MREG: variants seen among roughly 807,000 people sequenced by gnomAD.
MREG encodes the protein melanoregulin.
Under a neutral mutation model 28.5 loss-of-function variants are expected in MREG, and 31 were observed. The ratio of observed to expected loss-of-function variants is 1.09; its 90% CI spans 0.82 to 1.47. The LOEUF is 1.47. Among genes scored for constraint, MREG ranks in the 40% most tolerant of loss-of-function variants. The pLI is 0.00. For synonymous variants in MREG, 106 were observed against 95.2 expected (o/e 1.11, Z -0.66); for missense variants, 256 against 257.4 (o/e 0.99, Z 0.04).
chr2:216,003,115 T>G (rs1460675474), intron 1 of MREG, among the ~76,000 whole-genome samples: 9 of 152,002 alleles, frequency 5.9e-5, no homozygotes, highest in Non-Finnish European at 2.9e-5. Flanking sequence ...TGAAACAGAG[T>G]CTTGCTGTGT....
chr2:215,996,263 T>C (rs771874407), intron 2 of MREG, 43 bp downstream of exon 2: 36 of 1,586,188 alleles, frequency 2.3e-5, no homozygotes, highest in Admixed American at 1.9e-4. Context: ...TTTTTTACTA[T>C]ATAGCATCAT....
intron 1 of MREG, among the ~76,000 whole-genome samples, chr2:215,997,670 G>A (rs1355861292): frequency 1.3e-5 from 2 of 152,136 alleles, no homozygotes; most frequent in Non-Finnish European, 1.5e-5. Context: ...GAGCTCAGGA[G>A]GCCATGAGAA....
chr2:216,004,904 C>T (rs1694110170), intron 1 of MREG, among the ~76,000 whole-genome samples: 1 of 152,066 alleles, frequency 6.6e-6, no homozygotes, highest in African/African-American at 2.4e-5. Context: ...GATAAAATGA[C>T]TTTGAGAAGA....
chr2:216,026,135 T>C (rs1479201806), intron 1 of MREG, among the ~76,000 whole-genome samples: 5 of 152,170 alleles, frequency 3.3e-5, no homozygotes, highest in African/African-American at 1.2e-4. Flanking sequence ...TATGATTCAA[T>C]ATACATTAAA....
chr2:215,971,840 A>G (rs1372975639), intron 2 of MREG, among the ~76,000 whole-genome samples: 6 of 152,216 alleles, frequency 3.9e-5, no homozygotes. Context: ...AGGTAGAGTG[A>G]GTATATGAAG....
chr2:215,961,878 A>T (rs1559178098), intron 2 of MREG, among the ~76,000 whole-genome samples: 1 of 152,124 alleles, frequency 6.6e-6, no homozygotes, highest in East Asian at 1.9e-4. Flanking sequence ...ATGCTCTGAT[A>T]CTTAAAAGAT....
intron 4 of MREG, 50 bp downstream of exon 4, chr2:215,945,521 C>T (rs1013155183): frequency 5.7e-6 from 9 of 1,586,230 alleles, no homozygotes; most frequent in Non-Finnish European, 7.7e-6. Context: ...TTTTAAAAAG[C>T]CAAGCAATTA....
At chr2:215,960,498 G>A (rs1338480935) in intron 2 of MREG, among the ~76,000 whole-genome samples, 1 of 152,116 alleles carries the variant, frequency 6.6e-6, no homozygotes, top group South Asian at 2.1e-4. Context: ...AAAGCCACTT[G>A]GGCTATAATC....
intron 2 of MREG, among the ~76,000 whole-genome samples, chr2:215,963,836 T>C (rs566525072): frequency 1.3e-5 from 2 of 152,146 alleles, no homozygotes; most frequent in Non-Finnish European, 2.9e-5. Flanking sequence ...CCATAATTCA[T>C]TAACTGATAA....
intron 2 of MREG, among the ~76,000 whole-genome samples, chr2:215,978,931 T>A (rs1227719755): frequency 1.3e-5 from 2 of 152,194 alleles, no homozygotes; most frequent in Non-Finnish European, 2.9e-5. Context: ...TAATTACTAA[T>A]CAAAGCTTCC....
chr2:216,009,442 C>T (rs752640918), intron 1 of MREG, among the ~76,000 whole-genome samples: 3 of 152,210 alleles, frequency 2.0e-5, no homozygotes, highest in East Asian at 3.9e-4. Flanking sequence ...AAAGATCCTT[C>T]GGTGCATGAC....
intron 2 of MREG, among the ~76,000 whole-genome samples, chr2:215,984,716 G>A (rs1377828990): frequency 6.6e-6 from 1 of 152,030 alleles, no homozygotes; most frequent in East Asian, 1.9e-4. Flanking sequence ...AGAAGCCCAG[G>A]AAATAAGTCT....
At chr2:215,958,731 C>T (rs1692700823) in intron 2 of MREG, among the ~76,000 whole-genome samples, 1 of 152,228 alleles carries the variant, frequency 6.6e-6, no homozygotes, top group African/African-American at 2.4e-5. Context: ...ATTAATACTT[C>T]CTCCCCATCC....
chr2:215,941,921 A>G (rs1692202486), downstream of MREG, among the ~76,000 whole-genome samples: 2 of 152,114 alleles, frequency 1.3e-5, no homozygotes, highest in Non-Finnish European at 2.9e-5. Flanking sequence ...TTCCATGTCC[A>G]TTGCTGTCAG....
At chr2:215,989,839 T>C (rs4674046) in intron 2 of MREG, among the ~76,000 whole-genome samples, 103,694 of 151,422 alleles carry the variant, frequency 0.68, 36,206 homozygotes, top group Non-Finnish European at 0.76. Flanking sequence ...GAAGACAAGA[T>C]TAGAGAAAAA....
Position 215,945,562 on chromosome 2 carries a change from T to A in MREG, c.510+9A>T. On this transcript the variant is annotated intron_variant, in intron 4 of 4. Transcript: ENST00000263268. ...AAATTAGGGCAAATGAAAAAAAGCA[T>A]CCACTTACCACAACAAAGAGATATC... The A allele has an allele frequency of 6.2e-7, 1 of 1,603,376 alleles. No homozygotes were observed. The highest frequency in any genetic ancestry group is 8.5e-7 in the Non-Finnish European group (1 of 1,176,336).
intron 2 of MREG, among the ~76,000 whole-genome samples, chr2:215,962,294 A>T (rs1333966427): frequency 6.6e-6 from 1 of 152,208 alleles, no homozygotes; most frequent in Admixed American, 6.5e-5. Flanking sequence ...GCCACTAAGC[A>T]ATAAGATTCG....
intron 2 of MREG, among the ~76,000 whole-genome samples, chr2:215,995,589 C>G (rs16855228): frequency 0.12 from 17,582 of 148,818 alleles, 3,181 homozygotes; most frequent in African/African-American, 0.4. Context: ...AAGAAGCATG[C>G]AGTGTATATT....
intron 2 of MREG, among the ~76,000 whole-genome samples, chr2:215,952,463 C>T (rs2105971563): frequency 6.6e-6 from 1 of 152,260 alleles, no homozygotes; most frequent in Non-Finnish European, 1.5e-5. Flanking sequence ...ATAATTTTCA[C>T]TTGTCAATTA....
Sources: allele counts gnomAD v4.1 joint callset (sites outside exome capture counted in the v4.1 genomes callset), GRCh38; gene constraint gnomAD v4.1.1; transcripts MANE v1.5; gene names NCBI Gene and HGNC (gene_info 2026-07-23, HGNC 2026-07-21).